COL6A3: variants seen among roughly 807,000 people sequenced by gnomAD.
COL6A3 encodes the protein collagen alpha-3(VI) chain.
In COL6A3, 137 loss-of-function variants were observed where a neutral mutation model predicts 274.1. The observed-to-expected ratio is 0.50, with a 90% confidence interval of 0.44 to 0.58. The LOEUF (loss-of-function observed/expected upper bound fraction) is 0.58. Ranked by LOEUF, COL6A3 falls within the 20% of genes least tolerant of loss-of-function variation. The pLI, the probability that COL6A3 is intolerant of heterozygous loss-of-function variation, is 0.00. For synonymous variants in COL6A3, 1,650 were observed against 1,650.6 expected (o/e 1.00, Z 0.01); for missense variants, 3,950 against 4,124.9 (o/e 0.96, Z 1.16).
chr2:237,358,466 C>A, intron 21 of COL6A3, 55 bp downstream of exon 21: 1 of 1,439,326 alleles, frequency 6.9e-7, no homozygotes, highest in Non-Finnish European at 9.8e-7. Context: ...CCCCCTTTCC[C>A]AACAACCCTC....
chr2:237,375,553 C>CG (rs1286056587), intron 7 of COL6A3, among the ~76,000 whole-genome samples: 1 of 151,978 alleles, frequency 6.6e-6, no homozygotes, highest in Non-Finnish European at 1.5e-5. Context: ...GTGGAGGGGT[C>CG]GGGGGGTGGA....
At chr2:237,356,366 T>C (rs888731279) in intron 23 of COL6A3, among the ~76,000 whole-genome samples, 1 of 152,038 alleles carries the variant, frequency 6.6e-6, no homozygotes, top group Non-Finnish European at 1.5e-5. Flanking sequence ...TTATTAAAAA[T>C]AAATAAATAA....
rs184140115 is a variant in COL6A3, at chr2:237,384,807, C to T, written c.1312+2775G>A. Among the ~76,000 whole-genome samples the T allele has an allele frequency of 4.3e-4, 65 of 152,220 alleles. No individual in the cohort carries two copies. In the East Asian group the frequency reaches 0.011, roughly 27 times the overall value. ...ACAGCCTACCTTCCTCTGCCATTGGCTCCCAACCCACAGGCTCCACTCCCT... is the reference window on the plus strand; with the variant it reads ...ACAGCCTACCTTCCTCTGCCATTGGTTCCCAACCCACAGGCTCCACTCCCT... On this transcript the variant is annotated intron_variant, in intron 4 of 43. Coordinates refer to ENST00000295550, the MANE Select transcript of COL6A3 (RefSeq NM_004369.4).
chr2:237,395,504 A>G (rs1417145094), intron 2 of COL6A3, among the ~76,000 whole-genome samples: 3 of 152,216 alleles, frequency 2.0e-5, no homozygotes, highest in East Asian at 1.9e-4. Flanking sequence ...TAACTCAAGT[A>G]TGATTCCCTG....
chr2:237,400,891 G>C (rs534049585), intron 1 of COL6A3, among the ~76,000 whole-genome samples: 4 of 152,140 alleles, frequency 2.6e-5, no homozygotes, highest in African/African-American at 7.2e-5. Context: ...CTCTAACCAA[G>C]TGGAACTTAT....
In COL6A3 at chr2:237,331,502, G is replaced by A. The variant is rs544099340; in HGVS notation, c.9328+1948C>T. Among the ~76,000 whole-genome samples, 7 of 152,082 alleles carry A rather than the reference G, an allele frequency of 4.6e-5. No individual in the cohort carries two copies. The South Asian group carries it at 1.0e-3, about 23-fold the overall frequency. ...AAGTAAATGTCCCATTTATTAGGTC[G>A]GTGCGAAAGTAATTCCAGTTGTTGC... On this transcript the variant is annotated intron_variant, in intron 42 of 43. Transcript: ENST00000295550.
chr2:237,371,800 G>A lies in COL6A3; in HGVS notation c.4217C>T (p.Thr1406Met), dbSNP rs114061998. 674 of 1,613,838 alleles carry A rather than the reference G, an allele frequency of 4.2e-4. 3 individuals carry two copies. The African/African-American group carries it at 7.6e-3, about 18-fold the overall frequency. The part of the protein sequence containing the change: ...ELPSLEQKLL[T>M]PITTLTSEQI... The stretch of plus-strand genomic sequence containing the variant: ...CTCTGAGGTCAGGGTCGTGATGGGC[G>A]TCAGCAGTTTCTGCTCCAGGCTGGG... The change falls in exon 9 of 44, where the codon ACG becomes ATG. Residue 1406 changes from threonine to methionine, a missense_variant. Around this residue, in one of 5 missense-constraint regions of COL6A3, gnomAD observed 1,934 missense variants for 1,984.3 expected, o/e 0.97. Transcript: ENST00000295550. The surrounding 1 kb of genome is among the most constrained non-coding windows in gnomAD (Gnocchi z 4.3).
In COL6A3 at chr2:237,413,936, A is replaced by G. The variant is rs2291794; in HGVS notation, c.-31+17T>C. 34,061 of 152,132 alleles carry G rather than the reference A, an allele frequency of 0.22. 4,067 individuals are homozygous for G. Among genetic ancestry groups the G allele is most frequent in the Admixed American group, 0.36 (5,463 of 15,276 alleles). 9.4% of individuals were successfully genotyped at this position (152,132 alleles called of 1,614,324 possible). ...CTAGCCCCAAACCTGGAAAAACAGA[A>G]GAGAAATCACACTTACCCCTGAGCA... On this transcript the variant is annotated intron_variant, in intron 1 of 43. Transcript: ENST00000295550. The surrounding 1 kb of genome is among the most constrained non-coding windows in gnomAD (Gnocchi z 4.0).
chr2:237,348,127 T>G (rs1251154487), intron 30 of COL6A3, among the ~76,000 whole-genome samples: 1 of 152,250 alleles, frequency 6.6e-6, no homozygotes, highest in Non-Finnish European at 1.5e-5. Flanking sequence ...GATTGCAGCA[T>G]ATTTTATTTA....
chr2:237,401,493 T>G (rs2078588140), intron 1 of COL6A3, among the ~76,000 whole-genome samples: 1 of 152,134 alleles, frequency 6.6e-6, no homozygotes, highest in Admixed American at 6.5e-5. Context: ...AAATTGATTA[T>G]AGATTTCCAA....
At chr2:237,412,258 G>A (rs755540608) in intron 1 of COL6A3, among the ~76,000 whole-genome samples, 1 of 152,188 alleles carries the variant, frequency 6.6e-6, no homozygotes, top group Non-Finnish European at 1.5e-5. Context: ...CCAGGAGGTG[G>A]CCTGAGCAGG....
At chr2:237,347,476 G>T (rs879631849) in intron 31 of COL6A3, among the ~76,000 whole-genome samples, 1 of 152,188 alleles carries the variant, frequency 6.6e-6, no homozygotes, top group South Asian at 2.1e-4. Context: ...CCGTCTGGGT[G>T]GGCATGGCCC....
intron 1 of COL6A3, among the ~76,000 whole-genome samples, chr2:237,401,337 T>C (rs540769022): frequency 2.0e-5 from 3 of 152,312 alleles, no homozygotes; most frequent in African/African-American, 7.2e-5. Context: ...TGGAAACAAC[T>C]TAAAAGTCCA....
At chr2:237,333,155 C>A (rs957641086) in intron 42 of COL6A3, 24 of 461,910 alleles carry the variant, frequency 5.2e-5, no homozygotes, top group South Asian at 4.3e-4. Context: ...CAAATCAACT[C>A]GAGTCCCAGT....
chr2:237,340,211 C>T (rs576357836), intron 38 of COL6A3, among the ~76,000 whole-genome samples: 84 of 152,270 alleles, frequency 5.5e-4, no homozygotes, highest in South Asian at 2.5e-3. Flanking sequence ...CTAGGTGGCG[C>T]TTGGTCAAAT....
At chr2:237,328,391 G>A (rs577707429) in intron 42 of COL6A3, 1 of 152,278 alleles carries the variant, frequency 6.6e-6, no homozygotes, top group East Asian at 1.9e-4. Context: ...AAACACTGGG[G>A]CGCAAGGCAC....
Position 237,336,448 on chromosome 2 carries a change from GGTCACCGGCTTCGTCGTA to G in COL6A3, c.8634_8651del (p.Lys2881_Thr2886del), listed in dbSNP as rs780678900. The G allele has an allele frequency of 1.5e-5, 25 of 1,614,168 alleles. No homozygotes were observed. In the East Asian group the frequency reaches 4.5e-4, roughly 29 times the overall value. On this transcript the variant is annotated inframe_deletion, in exon 40 of 44. Transcript: ENST00000295550. ...TGGTGGTTACAGGCTTTGTTGTGGTGGTCACCGGCTTCGTCGTAGTCACCGGCTTCGTTGTCGTCACTG... is the reference window on the plus strand; with the variant it reads ...TGGTGGTTACAGGCTTTGTTGTGGTGGTCACCGGCTTCGTTGTCGTCACTG...
At chr2:237,358,216 GA>G (rs2077360578) in intron 21 of COL6A3, among the ~76,000 whole-genome samples, 1 of 152,170 alleles carries the variant, frequency 6.6e-6, no homozygotes, top group Admixed American at 6.5e-5. Context: ...ACGTTTTACA[GA>G]GACACAAAAT....
intron 23 of COL6A3, chr2:237,355,137 C>T: frequency 1.9e-6 from 1 of 518,946 alleles, no homozygotes; most frequent in Non-Finnish European, 3.4e-6. Context: ...CCTCCACCCT[C>T]ATCCGGGTGA....
Sources: gnomAD v4.1 joint callset for allele counts (sites outside exome capture counted in the v4.1 genomes callset) on GRCh38, gnomAD v4.1.1 for gene constraint, gnomAD v4.1.1 regional missense constraint, Gnocchi (gnomAD v3.1) non-coding constraint, MANE v1.5 for transcripts, NCBI Gene and HGNC (gene_info 2026-07-23, HGNC 2026-07-21) for gene names.